GABRB1: variants seen among roughly 807,000 people sequenced by gnomAD.
The protein encoded by GABRB1 is gamma-aminobutyric acid receptor subunit beta-1.
GABRB1 carries 17 observed loss-of-function variants against 51.6 expected under a neutral mutation model. That is an observed-to-expected ratio of 0.33 (90% CI 0.23 to 0.49). GABRB1 has a LOEUF of 0.49. Among genes scored for constraint, GABRB1 ranks in the 20% least tolerant of loss-of-function variants. The pLI is 0.99. For synonymous variants in GABRB1, 247 were observed against 218.9 expected (o/e 1.13, Z -1.14); for missense variants, 410 against 600.6 (o/e 0.68, Z 3.32).
intron 4 of GABRB1, among the ~76,000 whole-genome samples, chr4:47,187,593 T>G (rs1318511426): frequency 6.6e-6 from 1 of 151,828 alleles, no homozygotes; most frequent in Non-Finnish European, 1.5e-5. Flanking sequence ...GATCCTCCCA[T>G]GCCGACTCCC....
chr4:47,354,138 C>G (rs1180550601), intron 5 of GABRB1, among the ~76,000 whole-genome samples: 1 of 152,156 alleles, frequency 6.6e-6, no homozygotes, highest in Non-Finnish European at 1.5e-5. Flanking sequence ...CATAATCCAG[C>G]AATTAGGGGA....
At chr4:47,178,719 CCTT>C (rs1160551774) in intron 4 of GABRB1, among the ~76,000 whole-genome samples, 1 of 152,032 alleles carries the variant, frequency 6.6e-6, no homozygotes, top group Non-Finnish European at 1.5e-5. Context: ...TGAAGATCAG[CCTT>C]CTTTCTTTCT....
At chr4:47,315,518 T>A (rs1180908299) in intron 4 of GABRB1, among the ~76,000 whole-genome samples, 1 of 152,002 alleles carries the variant, frequency 6.6e-6, no homozygotes, top group African/African-American at 2.4e-5. Flanking sequence ...GACTCAGCAA[T>A]TCCCTTGTTG....
chr4:47,022,245 T>C (rs1439133639), intron 1 of GABRB1, among the ~76,000 whole-genome samples: 1 of 152,122 alleles, frequency 6.6e-6, no homozygotes, highest in East Asian at 1.9e-4. Context: ...TATGTATTTC[T>C]TGCTAAAAGG....
At chr4:47,018,456 T>A (rs1724812805) in intron 1 of GABRB1, among the ~76,000 whole-genome samples, 1 of 152,212 alleles carries the variant, frequency 6.6e-6, no homozygotes, top group Admixed American at 6.6e-5. Context: ...AACAGTATGA[T>A]AATGTCAGAA....
At chr4:47,394,126 C>A (rs763656205) in intron 5 of GABRB1, among the ~76,000 whole-genome samples, 6 of 152,166 alleles carry the variant, frequency 3.9e-5, no homozygotes. Flanking sequence ...AGTAAGCACG[C>A]CAGCATCACT....
At chr4:47,350,765 C>T (rs560589552) in intron 5 of GABRB1, among the ~76,000 whole-genome samples, 1 of 152,106 alleles carries the variant, frequency 6.6e-6, no homozygotes, top group African/African-American at 2.4e-5. Flanking sequence ...TGACACGATG[C>T]AAACAAATCA....
At chr4:47,129,880 AC>A (rs1357607319) in intron 3 of GABRB1, among the ~76,000 whole-genome samples, 2 of 152,186 alleles carry the variant, frequency 1.3e-5, no homozygotes, top group Non-Finnish European at 2.9e-5. Flanking sequence ...GAAAAGCAAA[AC>A]AGAACAAAAA....
chr4:47,038,694 T>C (rs868090580), intron 3 of GABRB1, among the ~76,000 whole-genome samples: 1 of 152,216 alleles, frequency 6.6e-6, no homozygotes, highest in Non-Finnish European at 1.5e-5. Flanking sequence ...ATTTTTGCCT[T>C]GGCAAGCCCC....
intron 4 of GABRB1, among the ~76,000 whole-genome samples, chr4:47,306,569 C>A (rs1724478712): frequency 6.6e-6 from 1 of 151,876 alleles, no homozygotes; most frequent in Non-Finnish European, 1.5e-5. Context: ...TTTTTCCTTC[C>A]CCTACCTCTC....
At position 47,220,611 on chromosome 4, in the gene GABRB1, CTTCT is replaced by C. The variant is rs1289047135; in HGVS notation, c.461+59147_461+59150del. Among the ~76,000 whole-genome samples, 10 of 151,848 alleles carry C rather than the reference CTTCT, an allele frequency of 6.6e-5. No individual in the cohort carries two copies. The East Asian group carries it at 1.7e-3, about 26-fold the overall frequency. ...TCAGATCCTGAATCCCTCCGAAAAC[CTTCT>C]TTCTATTTTCAGTTAGTGGCATCAC... is the stretch of plus-strand genomic sequence containing the variant. On this transcript the variant is annotated intron_variant, in intron 4 of 8. Transcript: ENST00000295454.
At chr4:47,405,798 G>A (rs1403334675) in intron 7 of GABRB1, among the ~76,000 whole-genome samples, 2 of 151,936 alleles carry the variant, frequency 1.3e-5, no homozygotes, top group African/African-American at 2.4e-5. Context: ...TTCACTTCTT[G>A]CTTTTCACAA....
chr4:47,251,109 G>A (rs143022719), intron 4 of GABRB1, among the ~76,000 whole-genome samples: 27 of 152,252 alleles, frequency 1.8e-4, no homozygotes, highest in East Asian at 1.2e-3. Flanking sequence ...GCTGAAGGCC[G>A]TTATTCAGAT....
At chr4:47,043,316 C>A (rs1406469929) in intron 3 of GABRB1, 1 of 151,936 alleles carries the variant, frequency 6.6e-6, no homozygotes, top group Non-Finnish European at 1.5e-5. Context: ...GGATTCAGTC[C>A]TTGGTGGGTT....
At chr4:46,998,003 C>T (rs1025573896) in intron 1 of GABRB1, among the ~76,000 whole-genome samples, 4 of 152,096 alleles carry the variant, frequency 2.6e-5, no homozygotes, top group African/African-American at 7.2e-5. Flanking sequence ...ACCTCCATAT[C>T]GTTTCCACAA....
intron 3 of GABRB1, among the ~76,000 whole-genome samples, chr4:47,050,734 A>G (rs1726313181): frequency 6.6e-6 from 1 of 152,174 alleles, no homozygotes; most frequent in Non-Finnish European, 1.5e-5. Flanking sequence ...CCATCTCCTG[A>G]TTCCTCACAG....
At chr4:47,318,827 G>T (rs942993583) in intron 4 of GABRB1, among the ~76,000 whole-genome samples, 3 of 151,994 alleles carry the variant, frequency 2.0e-5, no homozygotes, top group African/African-American at 4.8e-5. Flanking sequence ...AAATGTAACG[G>T]TCCTCCCCAT....
chr4:47,035,942 C>T (rs768102247), intron 3 of GABRB1, among the ~76,000 whole-genome samples: 2 of 152,118 alleles, frequency 1.3e-5, no homozygotes, highest in Non-Finnish European at 2.9e-5. Flanking sequence ...AGTAGGAGTT[C>T]CAACCAGGCA....
chr4:47,136,353 G>T (rs1716651392), intron 3 of GABRB1, among the ~76,000 whole-genome samples: 1 of 151,956 alleles, frequency 6.6e-6, no homozygotes, highest in African/African-American at 2.4e-5. Flanking sequence ...TGTAACGTTA[G>T]GGGATTTGCT....
Sources: allele counts gnomAD v4.1 joint callset (sites outside exome capture counted in the v4.1 genomes callset), GRCh38; gene constraint gnomAD v4.1.1; transcripts MANE v1.5; gene names NCBI Gene and HGNC (gene_info 2026-07-23, HGNC 2026-07-21).